The following TMPPE variants were observed in gnomAD, a reference collection of about 807,000 sequenced individuals.
The protein encoded by TMPPE is transmembrane protein with metallophosphoesterase domain.
TMPPE carries 16 observed loss-of-function variants against 22.6 expected under a neutral mutation model. The ratio of observed to expected loss-of-function variants is 0.71; its 90% confidence interval spans 0.48 to 1.08. TMPPE has a LOEUF of 1.08. Ranked by LOEUF, TMPPE falls within the 50% of genes least tolerant of loss-of-function variation. TMPPE has a pLI of 0.00. For missense variants in TMPPE, 526 were observed against 584.3 expected, an observed-to-expected ratio of 0.90 and a Z score of 1.03; for synonymous variants, 240 against 245.3, an observed-to-expected ratio of 0.98 and a Z score of 0.20.
Position 33,093,635 on chromosome 3 carries a change from G to A in TMPPE, c.561C>T (p.Pro187=), listed in dbSNP as rs748414562. The A allele has an allele frequency of 1.2e-6, 2 of 1,614,152 alleles. No homozygotes were observed. The highest frequency in any genetic ancestry group is 8.5e-7 in the Non-Finnish European group (1 of 1,180,032). The part of the protein sequence containing the change: ...SVAGILNAAQ[P]PAVKTVEVPI... ...GCACCTCCACAGTTTTCACAGCCGG[G>A]GGCTGCGCGGCATTCAGAATCCCGG... Residue 187 remains proline, a synonymous_variant, in exon 2 of 2, where the codon CCC becomes CCT. Transcript: ENST00000342462. This position sits in a 1 kb window ranked among gnomAD's most constrained non-coding sequence, Gnocchi z 6.0.
In TMPPE at chr3:33,091,051, C is replaced by T. The variant is rs1700738180; in HGVS notation, c.*1783G>A. 1.0e-6 allele frequency: 1 copy of T among 985,254 alleles called. No individual in the cohort carries two copies. The allele number at this position is 985,254 out of a possible 1,614,324, so 61.0% of individuals were successfully genotyped here. ...GTGAGTCAAACATTACCAGCCGCATCAAACAGTGGAAGTGAAATGGCACCA... is the reference window on the plus strand; with the variant it reads ...GTGAGTCAAACATTACCAGCCGCATTAAACAGTGGAAGTGAAATGGCACCA... On this transcript the variant is annotated 3_prime_UTR_variant, in exon 2 of 2. Transcript: ENST00000342462.
At chr3:33,095,363 A>G (rs1320649190) in intron 1 of TMPPE, among the ~76,000 whole-genome samples, 4 of 150,978 alleles carry the variant, frequency 2.6e-5, no homozygotes, top group Non-Finnish European at 5.9e-5. Context: ...TAAAAATACA[A>G]AAAAAGAAAA....
chr3:33,091,352 C>A lies in TMPPE; in HGVS notation c.*1482G>T. On this transcript the variant is annotated 3_prime_UTR_variant, in exon 2 of 2. Transcript: ENST00000342462. ...AGGACAAGGAGGAAAGGAAGAAACC[C>A]CCTTTGCCTGCCAGAATGCACATGA... 1 of 985,448 alleles carries A rather than the reference C, an allele frequency of 1.0e-6. No individual in the cohort carries two copies. The highest frequency in any genetic ancestry group is 1.2e-6 in the Non-Finnish European group (1 of 829,960). 61.0% of individuals were successfully genotyped at this position (985,448 alleles called of 1,614,324 possible).
chr3:33,096,647 G>A (rs940654827), intron 1 of TMPPE, 72 bp downstream of exon 1: 122 of 1,093,928 alleles, frequency 1.1e-4, no homozygotes, highest in Non-Finnish European at 1.3e-4. Flanking sequence ...AACCAGAGCC[G>A]GAGGCACCCT....
rs1700766409 is a variant in TMPPE at position 33,091,620 on chromosome 3, A to T, written c.*1214T>A. On this transcript the variant is annotated 3_prime_UTR_variant, in exon 2 of 2. Transcript: ENST00000342462. ...AAGGCTTGATGGATCCCTCCTGACAAAACAATCTTGAGGTAGATACGATAA... is the reference window on the plus strand; with the variant it reads ...AAGGCTTGATGGATCCCTCCTGACATAACAATCTTGAGGTAGATACGATAA... The T allele has an allele frequency of 1.0e-6, 1 of 984,202 alleles. No individual in the cohort carries two copies. The highest frequency in any genetic ancestry group is 1.7e-5 in the African/African-American group (1 of 57,194). 61.0% of individuals were successfully genotyped at this position (984,202 alleles called of 1,614,324 possible). A position where few individuals can be genotyped will look rare whatever the true frequency, so the allele number is the denominator to read the frequency against.
Position 33,091,693 on chromosome 3 carries a change from G to A in TMPPE, c.*1141C>T. 1.0e-6 allele frequency: 1 copy of A among 985,288 alleles called. No homozygotes were observed. The highest frequency in any genetic ancestry group is 1.2e-6 in the Non-Finnish European group (1 of 829,808). 61.0% of individuals were successfully genotyped at this position (985,288 alleles called of 1,614,324 possible). On this transcript the variant is annotated 3_prime_UTR_variant, in exon 2 of 2. Coordinates refer to ENST00000342462, the MANE Select transcript of TMPPE (RefSeq NM_001039770.3). ...GGAAACCAAGGCTGAGTGAGGGAAA[G>A]TCACCCACCCAACGCTGCCCTATGA...
In TMPPE at chr3:33,091,952, A is replaced by G; in HGVS notation, c.*882T>C. On this transcript the variant is annotated 3_prime_UTR_variant, in exon 2 of 2. Coordinates refer to ENST00000342462, the MANE Select transcript of TMPPE (RefSeq NM_001039770.3). ...CTGGGAGGTACAAGACCTGGTTTCTAGCCCCAAATCTCCTACATATCTTGT... is the reference window on the plus strand; with the variant it reads ...CTGGGAGGTACAAGACCTGGTTTCTGGCCCCAAATCTCCTACATATCTTGT... 1.0e-6 allele frequency: 1 copy of G among 985,164 alleles called. No individual in the cohort carries two copies. The highest frequency in any genetic ancestry group is 1.2e-6 in the Non-Finnish European group (1 of 829,656). The allele number at this position is 985,164 out of a possible 1,614,324, so 61.0% of individuals were successfully genotyped here.
In TMPPE at chr3:33,092,854, T is replaced by G; in HGVS notation, c.1342A>C (p.Ile448Leu). Residue 448 changes from isoleucine (I) to leucine (L), a missense_variant, in exon 2 of 2, where the codon ATC (isoleucine) becomes CTC (leucine). Physicochemically the swap from Ile to Leu is conservative, Grantham distance 5. Coordinates refer to ENST00000342462, the MANE Select transcript of TMPPE (RefSeq NM_001039770.3). Reference sequence around the variant, plus strand: ...CCAGTTCAGGGAGACCGCTGCAGGATGAGCTCTGTGATCTCGGCCCTGCTA... The same window carrying G: ...CCAGTTCAGGGAGACCGCTGCAGGAGGAGCTCTGTGATCTCGGCCCTGCTA... ...LGSRAEITEL[I>L]LQRSP The G allele has an allele frequency of 6.2e-7, 1 of 1,608,042 alleles. No individual in the cohort carries two copies. The highest frequency in any genetic ancestry group is 8.5e-7 in the Non-Finnish European group (1 of 1,176,318).
In TMPPE at chr3:33,096,994, G is replaced by A. The variant is rs1400175262; in HGVS notation, c.-384C>T. 1 of 1,610,322 alleles carries A rather than the reference G, an allele frequency of 6.2e-7. No individual in the cohort carries two copies. The highest frequency in any genetic ancestry group is 8.5e-7 in the Non-Finnish European group (1 of 1,178,294). ...CCCCTAGCAATGCCTCCCCGTACCC[G>A]GGTCCCGCAGACTTACGCGCAAGCC... is the stretch of plus-strand genomic sequence containing the variant. On this transcript the variant is annotated 5_prime_UTR_variant, in exon 1 of 2. Coordinates refer to ENST00000342462, the MANE Select transcript of TMPPE (RefSeq NM_001039770.3).
rs1240673584 is a variant in TMPPE, at chr3:33,097,019, C to G, written c.-409G>C. 1.2e-6 allele frequency: 2 copies of G among 1,612,232 alleles called. No individual in the cohort carries two copies. Among genetic ancestry groups the G allele is most frequent in the Non-Finnish European group, 8.5e-7 (1 of 1,178,962 alleles). On this transcript the variant is annotated 5_prime_UTR_variant, in exon 1 of 2. Transcript: ENST00000342462. ...GGGTCCCGCAGACTTACGCGCAAGC[C>G]GCGCGTAGGGCCCAGAAGCAGCAGA...
At position 33,094,093 on chromosome 3, in the gene TMPPE, G is replaced by C. The variant is rs1354960151; in HGVS notation, c.103C>G (p.Leu35Val). The change falls in exon 2 of 2, where the codon CTT becomes GTT. Residue 35 changes from leucine to valine, a missense_variant. By Grantham distance (32) the Leu-to-Val change is conservative. Transcript: ENST00000342462. The part of the protein sequence containing the change: ...IASRSYLAES[L>V]ELRAWRWLLR... Reference sequence around the variant, plus strand: ...AGCCAACGCCAGGCCCTGAGCTCAAGGCTCTCTGCCAGATACGAGCGGGAG... The same window carrying C: ...AGCCAACGCCAGGCCCTGAGCTCAACGCTCTCTGCCAGATACGAGCGGGAG... 3.1e-6 allele frequency: 5 copies of C among 1,614,256 alleles called. No individual in the cohort carries two copies. Among genetic ancestry groups the C allele is most frequent in the Non-Finnish European group, 4.2e-6 (5 of 1,180,038 alleles).
At chr3:33,096,670 A>C in intron 1 of TMPPE, 49 bp downstream of exon 1, 1 of 1,133,994 alleles carries the variant, frequency 8.8e-7, no homozygotes, top group Non-Finnish European at 1.1e-6. Context: ...AACCCGCGCA[A>C]CTTGGAATCC....
In TMPPE at chr3:33,090,771, T is replaced by C; in HGVS notation, c.*2063A>G. ...GGAATACAAACCACATACGAGAGGGTGTTGATGTTGTTTCTCAGATACATA... is the reference window on the plus strand; with the variant it reads ...GGAATACAAACCACATACGAGAGGGCGTTGATGTTGTTTCTCAGATACATA... On this transcript the variant is annotated 3_prime_UTR_variant, in exon 2 of 2. Coordinates refer to ENST00000342462, the MANE Select transcript of TMPPE (RefSeq NM_001039770.3). 1.0e-6 allele frequency: 1 copy of C among 984,848 alleles called. No individual in the cohort carries two copies. The highest frequency in any genetic ancestry group is 1.2e-6 in the Non-Finnish European group (1 of 829,832). The allele number at this position is 984,848 out of a possible 1,614,324, so 61.0% of individuals were successfully genotyped here.
rs536424942 is a variant in TMPPE, at chr3:33,090,731, T to C, written c.*2103A>G. On this transcript the variant is annotated 3_prime_UTR_variant, in exon 2 of 2. Coordinates refer to ENST00000342462, the MANE Select transcript of TMPPE (RefSeq NM_001039770.3). ...GATGGAGAAATTTCTGCTGCAAAAA[T>C]GTCCGCCGCGTCAGGGAATACAAAC... 2.0e-6 allele frequency: 2 copies of C among 985,310 alleles called. No individual in the cohort carries two copies. The highest frequency in any genetic ancestry group is 3.5e-5 in the African/African-American group (2 of 57,314). 61.0% of individuals were successfully genotyped at this position (985,310 alleles called of 1,614,324 possible).
At position 33,096,774 on chromosome 3, in the gene TMPPE, C is replaced by A. The variant is rs932231352; in HGVS notation, c.-164G>T. The A allele has an allele frequency of 4.6e-5, 61 of 1,326,984 alleles. No individual in the cohort carries two copies. The highest frequency in any genetic ancestry group is 4.4e-5 in the Non-Finnish European group (46 of 1,043,316). The allele number at this position is 1,326,984 out of a possible 1,614,324, so 82.2% of individuals were successfully genotyped here. A position where few individuals can be genotyped will look rare whatever the true frequency, so the allele number is the denominator to read the frequency against. On this transcript the variant is annotated 5_prime_UTR_variant, in exon 1 of 2. Coordinates refer to ENST00000342462, the MANE Select transcript of TMPPE (RefSeq NM_001039770.3). ...AGTGGATCCAAGCGCAAAGGGCGGC[C>A]GGAGCGGAACGCACAAGCGACCGAG...
In TMPPE at chr3:33,090,656, G is replaced by A; in HGVS notation, c.*2178C>T. ...ATGGTTTAAGAATGTTGAACAAAGG[G>A]ACTAAAGGTGTCATGGAGACCTGCC... On this transcript the variant is annotated 3_prime_UTR_variant, in exon 2 of 2. Transcript: ENST00000342462. 1 of 985,434 alleles carries A rather than the reference G, an allele frequency of 1.0e-6. No individual in the cohort carries two copies. The highest frequency in any genetic ancestry group is 1.2e-6 in the Non-Finnish European group (1 of 829,934). 61.0% of individuals were successfully genotyped at this position (985,434 alleles called of 1,614,324 possible). A position where few individuals can be genotyped will look rare whatever the true frequency, so the allele number is the denominator to read the frequency against.
chr3:33,096,647 G>C, intron 1 of TMPPE, 72 bp downstream of exon 1: 1 of 1,094,046 alleles, frequency 9.1e-7, no homozygotes, highest in South Asian at 3.0e-5. Flanking sequence ...AACCAGAGCC[G>C]GAGGCACCCT....
chr3:33,094,386 G>C (rs1049062402), intron 1 of TMPPE, 83 bp from the exon 2 acceptor site: 6 of 1,351,920 alleles, frequency 4.4e-6, no homozygotes, highest in Non-Finnish European at 5.7e-6. Flanking sequence ...ACTTACATCT[G>C]CCCAACCCAC....
chr3:33,094,330 T>C (rs1237094681), intron 1 of TMPPE, 27 bp from the exon 2 acceptor site: 1 of 1,461,430 alleles, frequency 6.8e-7, no homozygotes, highest in African/African-American at 1.4e-5. Flanking sequence ...GCATCAGCTT[T>C]GTGGGATATT....
Sources: allele counts gnomAD v4.1 joint callset (sites outside exome capture counted in the v4.1 genomes callset), GRCh38; gene constraint gnomAD v4.1.1; non-coding constraint Gnocchi (gnomAD v3.1); transcripts MANE v1.5; gene names NCBI Gene and HGNC (gene_info 2026-07-23, HGNC 2026-07-21).